Variants in TBC1D20 observed in about 807,000 individuals in gnomAD.
TBC1D20 encodes TBC1 domain family member 20.
TBC1D20 carries 12 observed loss-of-function variants against 41.6 expected under a neutral mutation model. The ratio of observed to expected loss-of-function variants is 0.29; its 90% CI spans 0.18 to 0.47. The LOEUF (loss-of-function observed/expected upper bound fraction) is 0.47. Ranked by LOEUF, TBC1D20 falls within the 20% of genes least tolerant of loss-of-function variation. The probability of loss-of-function intolerance (pLI) is 1.00; values close to 1 mark genes in which losing one functional copy is unlikely to be tolerated. For synonymous variants in TBC1D20, 205 were observed against 204.8 expected (o/e 1.00, Z -0.01); for missense variants, 421 against 517.4 (o/e 0.81, Z 1.81).
In TBC1D20 at chr20:436,402, CAG is replaced by C. The variant is rs2017118694; in HGVS notation, c.*2182_*2183del. ...TTAGATAATGCTTTCTTCTCAATGA[CAG>C]GGAGAATCCTGGTGTCAGCAAAGTT... On this transcript the variant is annotated 3_prime_UTR_variant, in exon 8 of 8. Transcript: ENST00000354200. The C allele has an allele frequency of 2.6e-5, 4 of 152,688 alleles. No individual in the cohort carries two copies. The South Asian group carries it at 8.3e-4, about 32-fold the overall frequency. 9.5% of individuals were successfully genotyped at this position (152,688 alleles called of 1,614,324 possible). A position where few individuals can be genotyped will look rare whatever the true frequency, so the allele number is the denominator to read the frequency against.
intron 1 of TBC1D20, among the ~76,000 whole-genome samples, chr20:458,885 C>A (rs560403192): frequency 6.6e-6 from 1 of 152,156 alleles, no homozygotes; most frequent in African/African-American, 2.4e-5. Flanking sequence ...GCTGTCCCAA[C>A]GTGGATTTCG....
At chr20:456,025 C>A (rs1158334508) in intron 1 of TBC1D20, among the ~76,000 whole-genome samples, 1 of 152,156 alleles carries the variant, frequency 6.6e-6, no homozygotes, top group African/African-American at 2.4e-5. Context: ...TGCTTATAAT[C>A]CCAGCACTTT....
intron 3 of TBC1D20, among the ~76,000 whole-genome samples, chr20:443,519 C>T (rs1391356926): frequency 6.6e-6 from 1 of 152,188 alleles, no homozygotes; most frequent in Non-Finnish European, 1.5e-5. Flanking sequence ...CTAAACCGGA[C>T]AAAGGATTGC....
At chr20:446,205 C>T (rs1486764736) in intron 2 of TBC1D20, among the ~76,000 whole-genome samples, 1 of 152,264 alleles carries the variant, frequency 6.6e-6, no homozygotes, top group Non-Finnish European at 1.5e-5. Context: ...CACTGTTCTA[C>T]AGGACTTTTA....
At chr20:445,226 T>A in intron 2 of TBC1D20, 96 bp from the exon 3 acceptor site, 2 of 826,670 alleles carry the variant, frequency 2.4e-6, no homozygotes, top group South Asian at 2.9e-5. Context: ...AGAGGGCACA[T>A]GTCAGCTTCT....
chr20:450,711 T>TAGATTTCTTTGTTCC (rs1784123057), intron 1 of TBC1D20: 2 of 152,256 alleles, frequency 1.3e-5, no homozygotes, highest in Admixed American at 1.3e-4. Context: ...TACAATCAGT[T>TAGATTTCTTTGTTCC]AGATTTCTTT....
chr20:443,296 A>G (rs1473971733), intron 3 of TBC1D20, among the ~76,000 whole-genome samples: 3 of 152,234 alleles, frequency 2.0e-5, no homozygotes, highest in Non-Finnish European at 2.9e-5. Context: ...CTCTTGATCC[A>G]AAGATGTATT....
intron 1 of TBC1D20, among the ~76,000 whole-genome samples, chr20:451,219 G>T (rs985867681): frequency 6.6e-6 from 1 of 152,178 alleles, no homozygotes; most frequent in African/African-American, 2.4e-5. Context: ...GATGTTTAAT[G>T]AACATCCTTG....
chr20:457,119 A>G (rs74181543), intron 1 of TBC1D20, among the ~76,000 whole-genome samples: 1 of 150,738 alleles, frequency 6.6e-6, no homozygotes, highest in Non-Finnish European at 1.5e-5. Context: ...TATTTTTAGT[A>G]GAGACAGGGT....
intron 1 of TBC1D20, among the ~76,000 whole-genome samples, chr20:460,215 C>T (rs1358221519): frequency 1.3e-5 from 2 of 151,840 alleles, no homozygotes; most frequent in Non-Finnish European, 2.9e-5. Context: ...AAGGGGGGGG[C>T]CGTTTTGTGT....
chr20:442,282 T>C (rs963970571), intron 3 of TBC1D20, among the ~76,000 whole-genome samples: 1 of 152,242 alleles, frequency 6.6e-6, no homozygotes, highest in South Asian at 2.1e-4. Flanking sequence ...TTAATACTGC[T>C]GGGACACAGT....
rs2017205718 is a variant in TBC1D20, at chr20:440,389, A to G, written c.627T>C (p.Ser209=). ...VNPELHDFMQ[S]AEVGTIFALS... ...GGGCAAAGATGGTCCCTACCTCAGC[A>G]CTAGAAACAAAGGAAAGGCAGGTGT... The change falls in exon 6 of 8, where the codon AGT becomes AGC. Residue 209 remains serine (S), a splice_region_variant and synonymous_variant. Coordinates refer to ENST00000354200, the MANE Select transcript of TBC1D20 (RefSeq NM_144628.4). 6.2e-7 allele frequency: 1 copy of G among 1,614,108 alleles called. No homozygotes were observed. Among genetic ancestry groups the G allele is most frequent in the Non-Finnish European group, 8.5e-7 (1 of 1,179,994 alleles).
intron 1 of TBC1D20, among the ~76,000 whole-genome samples, chr20:459,809 GTGGTTCTTAA>G (rs2017599172): frequency 6.6e-6 from 1 of 152,086 alleles, no homozygotes; most frequent in South Asian, 2.1e-4. Context: ...CATCTGAACT[GTGGTTCTTAA>G]TGGTTCAGAT....
At chr20:453,477 G>A (rs758261528) in intron 1 of TBC1D20, among the ~76,000 whole-genome samples, 2 of 142,832 alleles carry the variant, frequency 1.4e-5, no homozygotes, top group Non-Finnish European at 1.5e-5. Flanking sequence ...GCGAAACTCC[G>A]TCTCAAAAAC....
At chr20:460,516 G>A (rs1374811603) in intron 1 of TBC1D20, among the ~76,000 whole-genome samples, 1 of 151,662 alleles carries the variant, frequency 6.6e-6, no homozygotes, top group African/African-American at 2.4e-5. Flanking sequence ...TTTCAGTCTG[G>A]GTAAGAGTTC....
At chr20:461,936 G>C (rs923991984) in intron 1 of TBC1D20, among the ~76,000 whole-genome samples, 1 of 152,232 alleles carries the variant, frequency 6.6e-6, no homozygotes, top group Non-Finnish European at 1.5e-5. Context: ...AATGCAGTTC[G>C]GGAGAGCTGA....
chr20:462,236 G>A (rs1450176083), intron 1 of TBC1D20, 100 bp downstream of exon 1: 2 of 813,526 alleles, frequency 2.5e-6, no homozygotes, highest in African/African-American at 1.8e-5. Context: ...GCAGCCCCGG[G>A]TCCCCAGCCC....
At chr20:444,633 C>A (rs1170274858) in intron 3 of TBC1D20, among the ~76,000 whole-genome samples, 3 of 152,136 alleles carry the variant, frequency 2.0e-5, no homozygotes, top group African/African-American at 7.2e-5. Context: ...TACTCTTACA[C>A]AAACAGGGAA....
intron 1 of TBC1D20, among the ~76,000 whole-genome samples, chr20:458,465 C>A (rs748899417): frequency 1.1e-4 from 16 of 151,910 alleles, no homozygotes; most frequent in Non-Finnish European, 2.1e-4. Flanking sequence ...AGACAAGCTC[C>A]ACTGGCCCAG....
Sources: gnomAD v4.1 joint callset for allele counts (sites outside exome capture counted in the v4.1 genomes callset) on GRCh38, gnomAD v4.1.1 for gene constraint, MANE v1.5 for transcripts, NCBI Gene and HGNC (gene_info 2026-07-23, HGNC 2026-07-21) for gene names.